The following PLEKHA7 variants were observed in gnomAD, a reference collection of about 807,000 sequenced individuals.
PLEKHA7 encodes the protein pleckstrin homology domain containing A7, also known as pleckstrin homology domain-containing family A member 7.
In PLEKHA7, 104 loss-of-function variants were observed where a neutral mutation model predicts 170.0. The ratio of observed to expected loss-of-function variants is 0.61; its 90% confidence interval spans 0.52 to 0.72. PLEKHA7 has a LOEUF of 0.72. PLEKHA7 is among the 30% of genes least tolerant of loss of function. PLEKHA7 has a pLI of 0.00. For missense variants in PLEKHA7, 1,615 were observed against 1,671.7 expected (o/e 0.97, Z 0.59); for synonymous variants, 648 against 660.8 (o/e 0.98, Z 0.30).
chr11:16,876,682 A>T (rs1274219340), intron 3 of PLEKHA7, among the ~76,000 whole-genome samples: 1 of 152,236 alleles, frequency 6.6e-6, no homozygotes, highest in African/African-American at 2.4e-5. Context: ...AGAACTGGAG[A>T]CTGATTTAAG....
chr11:16,866,553 T>C (rs983351090), intron 4 of PLEKHA7, among the ~76,000 whole-genome samples: 3 of 151,394 alleles, frequency 2.0e-5, no homozygotes, highest in South Asian at 4.2e-4. Flanking sequence ...GAGTGCACCA[T>C]TGCACTCTAG....
chr11:17,010,217 G>C (rs1049939301), intron 3 of PLEKHA7, among the ~76,000 whole-genome samples: 4 of 151,858 alleles, frequency 2.6e-5, no homozygotes, highest in Non-Finnish European at 5.9e-5. Context: ...GTGAAACCCT[G>C]TCTCTACTAA....
At chr11:17,012,571 T>C (rs1249449343) in intron 3 of PLEKHA7, among the ~76,000 whole-genome samples, 2 of 152,204 alleles carry the variant, frequency 1.3e-5, no homozygotes, top group Non-Finnish European at 2.9e-5. Flanking sequence ...TTCTGCACAG[T>C]AGTAACCACG....
chr11:16,826,712 A>G (rs769762382), intron 9 of PLEKHA7, 122 bp from the exon 10 acceptor site: 1 of 870,274 alleles, frequency 1.1e-6, no homozygotes, highest in Middle Eastern at 3.5e-4. Flanking sequence ...AACGCCTTTC[A>G]TGCTCATGTC....
At chr11:16,943,751 C>G (rs1041697181) in intron 3 of PLEKHA7, among the ~76,000 whole-genome samples, 1 of 152,184 alleles carries the variant, frequency 6.6e-6, no homozygotes, top group Non-Finnish European at 1.5e-5. Context: ...CCTGATAACC[C>G]TGAGACACGA....
At chr11:17,007,724 C>T (rs138485097) in intron 3 of PLEKHA7, among the ~76,000 whole-genome samples, 234 of 152,124 alleles carry the variant, frequency 1.5e-3, no homozygotes, top group African/African-American at 5.5e-3. Context: ...TGGCCATGCA[C>T]CATCACACCC....
intron 3 of PLEKHA7, among the ~76,000 whole-genome samples, chr11:16,928,522 G>A (rs193090155): frequency 6.0e-5 from 9 of 150,754 alleles, no homozygotes; most frequent in Admixed American, 4.0e-4. Context: ...TACAATCACA[G>A]CTCACTGCAG....
In PLEKHA7 at chr11:16,855,827, G is replaced by A; in HGVS notation, c.393C>T (p.Thr131=). 6.2e-7 allele frequency: 1 copy of A among 1,613,342 alleles called. No individual in the cohort carries two copies. ...SETSTAGTAS[T]LEAKPGPKII... The stretch of plus-strand genomic sequence containing the variant: ...CCTTGGGTCCAGGCTTGGCCTCCAG[G>A]GTGGAGGCGGTCCCAGCCGTGGATG... The change falls in exon 5 of 27, where the codon ACC becomes ACT. Residue 131 remains threonine (T), a synonymous_variant. Transcript: ENST00000531066.
At chr11:16,916,440 T>TAA (rs1858685722) in intron 3 of PLEKHA7, among the ~76,000 whole-genome samples, 1 of 152,176 alleles carries the variant, frequency 6.6e-6, no homozygotes. Flanking sequence ...CCCCACTACT[T>TAA]ACAAGCTGTG....
At chr11:16,911,762 G>A (rs1419565468) in intron 3 of PLEKHA7, among the ~76,000 whole-genome samples, 1 of 151,994 alleles carries the variant, frequency 6.6e-6, no homozygotes, top group Non-Finnish European at 1.5e-5. Flanking sequence ...CTTTCCCCAC[G>A]CTCTCCCACC....
At chr11:16,966,744 C>T (rs1433083118) in intron 3 of PLEKHA7, among the ~76,000 whole-genome samples, 1 of 151,548 alleles carries the variant, frequency 6.6e-6, no homozygotes, top group Non-Finnish European at 1.5e-5. Flanking sequence ...AGGACTTTGT[C>T]ATCTCAGATA....
chr11:16,926,314 C>A (rs1388414346), intron 3 of PLEKHA7, among the ~76,000 whole-genome samples: 1 of 152,208 alleles, frequency 6.6e-6, no homozygotes, highest in East Asian at 1.9e-4. Flanking sequence ...TTTCTCAATG[C>A]CCTTGGCAAT....
chr11:16,890,848 AAT>A (rs1028999568), intron 3 of PLEKHA7, among the ~76,000 whole-genome samples: 2 of 151,538 alleles, frequency 1.3e-5, no homozygotes, highest in Admixed American at 1.3e-4. Flanking sequence ...AACATGAAAA[AAT>A]ATATATATAT....
intron 9 of PLEKHA7, among the ~76,000 whole-genome samples, chr11:16,839,065 A>G (rs1244090753): frequency 6.6e-6 from 1 of 152,206 alleles, no homozygotes. Flanking sequence ...GCAATCTGAA[A>G]GACTCACACA....
At chr11:16,814,409 C>T (rs556667362) in intron 12 of PLEKHA7, among the ~76,000 whole-genome samples, 2 of 152,210 alleles carry the variant, frequency 1.3e-5, no homozygotes, top group Non-Finnish European at 2.9e-5. Flanking sequence ...CCCCTGCCTA[C>T]CTCTGTACAG....
At chr11:16,892,440 T>TGTGTGTGTGTGTGTGTGTG (rs749414406) in intron 3 of PLEKHA7, among the ~76,000 whole-genome samples, 12 of 102,522 alleles carry the variant, frequency 1.2e-4, no homozygotes, top group East Asian at 2.1e-4. Flanking sequence ...GTGTGTTTTG[T>TGTGTGTGTGTGTGTGTGTG]TTTGTTTTGT....
At chr11:16,915,631 C>T (rs1209448957) in intron 3 of PLEKHA7, among the ~76,000 whole-genome samples, 45 of 150,742 alleles carry the variant, frequency 3.0e-4, no homozygotes, top group South Asian at 1.1e-3. Flanking sequence ...TTTGTTCTTG[C>T]GATAGTTTAC....
chr11:16,875,321 T>A (rs1855195007), intron 3 of PLEKHA7, among the ~76,000 whole-genome samples: 1 of 152,046 alleles, frequency 6.6e-6, no homozygotes, highest in Admixed American at 6.6e-5. Context: ...GAAACTGAGG[T>A]TCCAGGTTAT....
chr11:16,800,487 A>G (rs1289611507), intron 17 of PLEKHA7, among the ~76,000 whole-genome samples: 1 of 152,164 alleles, frequency 6.6e-6, no homozygotes, highest in Non-Finnish European at 1.5e-5. Flanking sequence ...AGAAATGCAG[A>G]TGACTGCCTG....
Sources: gnomAD v4.1 joint callset for allele counts (sites outside exome capture counted in the v4.1 genomes callset) on GRCh38, gnomAD v4.1.1 for gene constraint, MANE v1.5 for transcripts, NCBI Gene and HGNC (gene_info 2026-07-23, HGNC 2026-07-21) for gene names.